PTPRG: variants seen among roughly 807,000 people sequenced by gnomAD.
PTPRG encodes protein tyrosine phosphatase receptor type G.
Under a neutral mutation model 165.3 loss-of-function variants are expected in PTPRG, and 102 were observed. The ratio of observed to expected loss-of-function variants is 0.62; its 90% CI spans 0.53 to 0.73. PTPRG has a LOEUF of 0.73. Ranked by LOEUF, PTPRG falls within the 30% of genes least tolerant of loss-of-function variation. The pLI is 0.00. For missense variants in PTPRG, 1,866 were observed against 1,861.4 expected (o/e 1.00, Z -0.05); for synonymous variants, 675 against 669.5 (o/e 1.01, Z -0.13).
chr3:61,872,227 G>A (rs1355002637), intron 2 of PTPRG, among the ~76,000 whole-genome samples: 1 of 152,156 alleles, frequency 6.6e-6, no homozygotes, highest in East Asian at 1.9e-4. Context: ...GTTGATTCTG[G>A]CCAGGTGCAG....
chr3:61,952,885 G>A (rs930382822), intron 2 of PTPRG, among the ~76,000 whole-genome samples: 5 of 152,188 alleles, frequency 3.3e-5, no homozygotes, highest in East Asian at 1.9e-4. Context: ...GTAGAACATC[G>A]CTTCAAGTTT....
chr3:62,038,370 A>G (rs546416846), intron 4 of PTPRG, among the ~76,000 whole-genome samples: 5 of 152,304 alleles, frequency 3.3e-5, no homozygotes, highest in Admixed American at 6.5e-5. Flanking sequence ...TTGCTTATCT[A>G]ATGAATAGTT....
intron 6 of PTPRG, among the ~76,000 whole-genome samples, chr3:62,151,902 A>G (rs1251105981): frequency 1.3e-5 from 2 of 152,166 alleles, no homozygotes; most frequent in Non-Finnish European, 2.9e-5. Context: ...AGTCATACTC[A>G]GAACCTCCTT....
At chr3:62,221,984 C>T (rs1700661524) in intron 13 of PTPRG, among the ~76,000 whole-genome samples, 1 of 152,238 alleles carries the variant, frequency 6.6e-6, no homozygotes, top group Non-Finnish European at 1.5e-5. Context: ...GGCACCAACT[C>T]ATGTGATTCT....
At chr3:61,987,893 G>C (rs1290471789) in intron 2 of PTPRG, among the ~76,000 whole-genome samples, 1 of 151,972 alleles carries the variant, frequency 6.6e-6, no homozygotes, top group African/African-American at 2.4e-5. Flanking sequence ...TGAAAATAAA[G>C]TTTGGCCAAA....
chr3:62,052,663 C>T (rs1700502601), intron 4 of PTPRG, among the ~76,000 whole-genome samples: 1 of 152,042 alleles, frequency 6.6e-6, no homozygotes, highest in Non-Finnish European at 1.5e-5. Context: ...CCACTGCACT[C>T]CAGCCTGGGT....
At chr3:61,693,835 G>T (rs926493393) in intron 1 of PTPRG, among the ~76,000 whole-genome samples, 1 of 151,866 alleles carries the variant, frequency 6.6e-6, no homozygotes, top group Non-Finnish European at 1.5e-5. Flanking sequence ...GTGAAACCCC[G>T]TCTCTACTAA....
intron 8 of PTPRG, among the ~76,000 whole-genome samples, chr3:62,172,275 T>A (rs1255500037): frequency 1.3e-5 from 2 of 152,236 alleles, no homozygotes; most frequent in African/African-American, 4.8e-5. Flanking sequence ...AGGAATAGCA[T>A]TGCTGGGTCA....
intron 7 of PTPRG, among the ~76,000 whole-genome samples, chr3:62,160,888 T>TTTC (rs1215212521): frequency 2.8e-5 from 4 of 145,182 alleles, no homozygotes; most frequent in African/African-American, 2.6e-5. Flanking sequence ...TTTTTTTTTT[T>TTTC]CTGACAGTAA....
rs778247390 is a variant in PTPRG, at chr3:62,203,168, T to C, written c.1378-5T>C. The C allele has an allele frequency of 6.4e-6, 10 of 1,572,882 alleles. No individual in the cohort carries two copies. Among genetic ancestry groups the C allele is most frequent in the Non-Finnish European group, 8.6e-6 (10 of 1,156,236 alleles). On this transcript the variant is annotated splice_polypyrimidine_tract_variant and splice_region_variant and intron_variant, in intron 11 of 29. Transcript: ENST00000474889. This position sits in a 1 kb window ranked among gnomAD's most constrained non-coding sequence, Gnocchi z 6.4. ...TTTCCACCCTTGCCGGGTGACCCTT[T>C]CCAGCCCACAGCGTCTCCTGCCTCT... is the stretch of plus-strand genomic sequence containing the variant.
At chr3:61,897,199 G>C (rs914360831) in intron 2 of PTPRG, among the ~76,000 whole-genome samples, 1 of 151,666 alleles carries the variant, frequency 6.6e-6, no homozygotes, top group African/African-American at 2.4e-5. Context: ...TCTCTCCTAT[G>C]TTTTTCTGAA....
At chr3:62,056,926 CA>C (rs1700654141) in intron 4 of PTPRG, among the ~76,000 whole-genome samples, 1 of 152,166 alleles carries the variant, frequency 6.6e-6, no homozygotes, top group Admixed American at 6.5e-5. Context: ...AGGAGGTCCA[CA>C]GATGGAATGG....
At chr3:62,291,211 C>G (rs769718773) in intron 28 of PTPRG, among the ~76,000 whole-genome samples, 3 of 152,082 alleles carry the variant, frequency 2.0e-5, no homozygotes, top group Non-Finnish European at 4.4e-5. Context: ...AAAAGTGTTT[C>G]AAGTTTAAAA....
chr3:62,064,156 T>C (rs116760783), intron 4 of PTPRG, among the ~76,000 whole-genome samples: 15,331 of 152,152 alleles, frequency 0.1, 868 homozygotes, highest in African/African-American at 0.14. Flanking sequence ...GCTACATTTT[T>C]AGAGCCAGCA....
At chr3:61,839,309 A>G (rs944528585) in intron 2 of PTPRG, among the ~76,000 whole-genome samples, 1 of 152,228 alleles carries the variant, frequency 6.6e-6, no homozygotes, top group Non-Finnish European at 1.5e-5. Context: ...GCCTCTGTAG[A>G]ATGAATCTTA....
chr3:61,812,196 C>T (rs1196721934), intron 2 of PTPRG, among the ~76,000 whole-genome samples: 1 of 150,694 alleles, frequency 6.6e-6, no homozygotes, highest in South Asian at 2.1e-4. Context: ...CTGGTATCTA[C>T]AGTTGATTGT....
chr3:61,617,351 T>C (rs1701325867), intron 1 of PTPRG, among the ~76,000 whole-genome samples: 1 of 152,214 alleles, frequency 6.6e-6, no homozygotes, highest in African/African-American at 2.4e-5. Flanking sequence ...ATGGCTCTTC[T>C]ACTGCTTCTG....
At chr3:61,703,206 C>T (rs2031071150) in intron 1 of PTPRG, among the ~76,000 whole-genome samples, 1 of 149,356 alleles carries the variant, frequency 6.7e-6, no homozygotes, top group Non-Finnish European at 1.5e-5. Context: ...TAAGATGGTT[C>T]TTAGCAGCTT....
At chr3:61,824,114 C>T (rs1428220021) in intron 2 of PTPRG, among the ~76,000 whole-genome samples, 2 of 151,042 alleles carry the variant, frequency 1.3e-5, no homozygotes, top group East Asian at 2.0e-4. Flanking sequence ...GGCGACAGAG[C>T]GAGACTCCGT....
Sources: allele counts gnomAD v4.1 joint callset (sites outside exome capture counted in the v4.1 genomes callset), GRCh38; gene constraint gnomAD v4.1.1; non-coding constraint Gnocchi (gnomAD v3.1); transcripts MANE v1.5; gene names NCBI Gene and HGNC (gene_info 2026-07-23, HGNC 2026-07-21).